The following MYO1B variants were observed in gnomAD, a reference collection of about 807,000 sequenced individuals.
MYO1B encodes unconventional myosin-Ib.
A neutral mutation model predicts 159.7 loss-of-function variants in MYO1B; 72 were observed. The observed-to-expected ratio is 0.45, with a 90% CI of 0.37 to 0.55. MYO1B has a LOEUF of 0.55. Ranked by LOEUF, MYO1B falls within the 20% of genes least tolerant of loss-of-function variation. The probability of loss-of-function intolerance (pLI) is 0.00; values close to 1 mark genes in which losing one functional copy is unlikely to be tolerated. For missense variants in MYO1B, 1,062 were observed against 1,364.8 expected, an observed-to-expected ratio of 0.78 and a Z score of 3.50; for synonymous variants, 468 against 473.8, an observed-to-expected ratio of 0.99 and a Z score of 0.16.
chr2:191,356,018 G>T (rs777602238), intron 7 of MYO1B, among the ~76,000 whole-genome samples: 9 of 151,904 alleles, frequency 5.9e-5, no homozygotes, highest in Non-Finnish European at 8.8e-5. Flanking sequence ...TATGGAACGT[G>T]GTTTTACTCT....
rs756214671 is a variant in MYO1B, at chr2:191,387,458, T to C, written c.1781+8T>C. The C allele has an allele frequency of 9.3e-6, 15 of 1,612,762 alleles. No individual in the cohort carries two copies. The South Asian group carries it at 1.4e-4, about 15-fold the overall frequency. The stretch of plus-strand genomic sequence containing the variant: ...GAACCCAAACTATATTAGGTATTTT[T>C]GGCACATGAAACTTTCACAGTTCAA... On this transcript the variant is annotated splice_region_variant and intron_variant, in intron 17 of 30. Coordinates refer to ENST00000392318, the MANE Select transcript of MYO1B (RefSeq NM_001130158.3).
chr2:191,397,852 C>T (rs1318220210), intron 21 of MYO1B, among the ~76,000 whole-genome samples: 4 of 142,788 alleles, frequency 2.8e-5, no homozygotes, highest in Non-Finnish European at 4.6e-5. Context: ...CCAGACGGGG[C>T]GGCTGGCCAG....
chr2:191,311,378 G>A (rs752792479), intron 3 of MYO1B, among the ~76,000 whole-genome samples: 3 of 152,096 alleles, frequency 2.0e-5, no homozygotes, highest in African/African-American at 7.2e-5. Context: ...GGTTACCTGC[G>A]GAAGGTCTTA....
At chr2:191,252,533 A>G (rs1208633210) in intron 1 of MYO1B, among the ~76,000 whole-genome samples, 2 of 152,226 alleles carry the variant, frequency 1.3e-5, no homozygotes, top group African/African-American at 4.8e-5. Flanking sequence ...CTTTAAAGAT[A>G]GAACTTGATT....
chr2:191,270,452 G>C (rs1431475139), intron 1 of MYO1B, among the ~76,000 whole-genome samples: 1 of 152,112 alleles, frequency 6.6e-6, no homozygotes, highest in African/African-American at 2.4e-5. Context: ...ATGCAGGGAG[G>C]GGGAGGTACC....
At chr2:191,302,540 TTAAG>T (rs1254725085) in intron 3 of MYO1B, among the ~76,000 whole-genome samples, 1 of 152,224 alleles carries the variant, frequency 6.6e-6, no homozygotes, top group Non-Finnish European at 1.5e-5. Flanking sequence ...TCTTCAACTC[TTAAG>T]TATTTGTTCA....
intron 2 of MYO1B, among the ~76,000 whole-genome samples, chr2:191,281,391 C>T (rs1011730877): frequency 2.0e-5 from 3 of 152,156 alleles, no homozygotes; most frequent in Non-Finnish European, 4.4e-5. Context: ...CTTTTTATTC[C>T]TCCATCTTGG....
At chr2:191,319,633 C>T (rs896174854) in intron 3 of MYO1B, among the ~76,000 whole-genome samples, 1 of 152,044 alleles carries the variant, frequency 6.6e-6, no homozygotes, top group Non-Finnish European at 1.5e-5. Context: ...GTTGAGCCTC[C>T]GGACCACATT....
intron 1 of MYO1B, among the ~76,000 whole-genome samples, chr2:191,266,708 C>T (rs1339996544): frequency 6.6e-6 from 1 of 152,156 alleles, no homozygotes; most frequent in African/African-American, 2.4e-5. Flanking sequence ...TCTAAGGTCT[C>T]TCTCCTTGCT....
chr2:191,293,174 C>G (rs1049164859), intron 2 of MYO1B, among the ~76,000 whole-genome samples: 12 of 152,220 alleles, frequency 7.9e-5, no homozygotes, highest in Non-Finnish European at 1.8e-4. Flanking sequence ...GCTAACTTCC[C>G]TTTGGTTAAA....
At chr2:191,396,343 G>A (rs1696068735) in intron 20 of MYO1B, 86 bp from the exon 21 acceptor site, 11 of 1,401,204 alleles carry the variant, frequency 7.9e-6, no homozygotes, top group African/African-American at 2.8e-5. Flanking sequence ...TCAGTTAGAC[G>A]AAGTGAGCAA....
intron 15 of MYO1B, among the ~76,000 whole-genome samples, 173 bp downstream of exon 15, chr2:191,383,515 TACACACAC>T (rs71030338): frequency 5.4e-4 from 66 of 122,738 alleles, no homozygotes; most frequent in Middle Eastern, 7.7e-3. Context: ...TATATACACG[TACACACAC>T]ACACACACAC....
At chr2:191,406,615 T>C (rs1455895176) in intron 24 of MYO1B, among the ~76,000 whole-genome samples, 2 of 152,098 alleles carry the variant, frequency 1.3e-5, no homozygotes, top group African/African-American at 4.8e-5. Flanking sequence ...GAATGGCCAA[T>C]GGGTGGAGCA....
chr2:191,373,591 T>C (rs1460872894), intron 13 of MYO1B, among the ~76,000 whole-genome samples: 1 of 152,168 alleles, frequency 6.6e-6, no homozygotes, highest in Non-Finnish European at 1.5e-5. Context: ...CTGGCAAACA[T>C]GGTGAAACCC....
intron 1 of MYO1B, among the ~76,000 whole-genome samples, chr2:191,247,197 G>A (rs1207248007): frequency 6.6e-6 from 1 of 152,206 alleles, no homozygotes; most frequent in Non-Finnish European, 1.5e-5. Context: ...TTACTGTGGT[G>A]ATAATTTAGG....
At chr2:191,357,364 G>C (rs182708721) in intron 7 of MYO1B, among the ~76,000 whole-genome samples, 1 of 152,126 alleles carries the variant, frequency 6.6e-6, no homozygotes, top group Admixed American at 6.5e-5. Flanking sequence ...GTCGATAGTC[G>C]GGTGGCGGCA....
At chr2:191,280,501 G>A (rs958722466) in intron 2 of MYO1B, among the ~76,000 whole-genome samples, 27 of 152,118 alleles carry the variant, frequency 1.8e-4, no homozygotes, top group Non-Finnish European at 2.9e-4. Context: ...CCCGCATCGC[G>A]CTGGCTAGAA....
chr2:191,311,032 T>C (rs1559159218), intron 3 of MYO1B, among the ~76,000 whole-genome samples: 1 of 152,208 alleles, frequency 6.6e-6, no homozygotes, highest in African/African-American at 2.4e-5. Flanking sequence ...GATTTTAACC[T>C]TTATTAACTC....
chr2:191,337,247 A>G (rs994147388), intron 4 of MYO1B, among the ~76,000 whole-genome samples: 10 of 152,182 alleles, frequency 6.6e-5, no homozygotes, highest in Non-Finnish European at 1.5e-4. Flanking sequence ...CTACTTCACA[A>G]TGCTTTATTT....
Sources: gnomAD v4.1 joint callset for allele counts (sites outside exome capture counted in the v4.1 genomes callset) on GRCh38, gnomAD v4.1.1 for gene constraint, MANE v1.5 for transcripts, NCBI Gene and HGNC (gene_info 2026-07-23, HGNC 2026-07-21) for gene names.